The following RAP1GAP2 variants were observed in gnomAD, a reference collection of about 807,000 sequenced individuals.
The protein encoded by RAP1GAP2 is rap1 GTPase-activating protein 2.
In RAP1GAP2, 27 loss-of-function variants were observed where a neutral mutation model predicts 95.0. That is an observed-to-expected ratio of 0.28 (90% CI 0.21 to 0.39). The LOEUF (loss-of-function observed/expected upper bound fraction) is 0.39. Ranked by LOEUF, RAP1GAP2 falls within the 10% of genes least tolerant of loss-of-function variation. The pLI is 1.00. For synonymous variants in RAP1GAP2, 373 were observed against 380.9 expected, an observed-to-expected ratio of 0.98 and a Z score of 0.24; for missense variants, 771 against 970.0, an observed-to-expected ratio of 0.79 and a Z score of 2.72.
intron 22 of RAP1GAP2, among the ~76,000 whole-genome samples, chr17:3,030,040 A>G (rs927067691): frequency 2.7e-5 from 4 of 148,230 alleles, no homozygotes; most frequent in Non-Finnish European, 5.9e-5. Context: ...TTTTATATGT[A>G]TATATTATAT....
chr17:2,970,289 A>T (rs955143359), intron 8 of RAP1GAP2, among the ~76,000 whole-genome samples: 25 of 148,128 alleles, frequency 1.7e-4, no homozygotes, highest in African/African-American at 5.4e-4. Flanking sequence ...AAAAAAAAAA[A>T]AAAAAAATAA....
At chr17:2,928,979 A>T (rs1336772732) in intron 3 of RAP1GAP2, among the ~76,000 whole-genome samples, 1 of 152,076 alleles carries the variant, frequency 6.6e-6, no homozygotes, top group Non-Finnish European at 1.5e-5. Context: ...CACACCTGTA[A>T]TCCCAGCACT....
At chr17:2,925,281 C>A (rs1326541894) in intron 3 of RAP1GAP2, among the ~76,000 whole-genome samples, 1 of 152,180 alleles carries the variant, frequency 6.6e-6, no homozygotes, top group Admixed American at 6.5e-5. Flanking sequence ...AGAAATACTT[C>A]ATCGCAGTAT....
Position 2,963,340 on chromosome 17 carries a change from A to G in RAP1GAP2, c.247-90A>G. ...GTTCCTCCCTCAAAGCCCCCCCACA[A>G]CATATCCCCCTTGCAAGACCTGGAA... On this transcript the variant is annotated intron_variant, in intron 5 of 24. Transcript: ENST00000254695. The surrounding 1 kb of genome is among the most constrained non-coding windows in gnomAD (Gnocchi z 4.8). The G allele has an allele frequency of 5.5e-6, 6 of 1,097,462 alleles. No homozygotes were observed. Among genetic ancestry groups the G allele is most frequent in the Non-Finnish European group, 8.0e-6 (6 of 746,334 alleles). The allele number at this position is 1,097,462 out of a possible 1,614,324, so 68.0% of individuals were successfully genotyped here.
rs549764751 is a variant in RAP1GAP2, at chr17:2,877,263, G to A, written c.81-28021G>A. Reference sequence around the variant, plus strand: ...CTGCCTCCATGATGCATCCAGAGACGGATCATATCTCCCATCTCCACCACG... The same window carrying A: ...CTGCCTCCATGATGCATCCAGAGACAGATCATATCTCCCATCTCCACCACG... On this transcript the variant is annotated intron_variant, in intron 2 of 24. Coordinates refer to ENST00000254695, the MANE Select transcript of RAP1GAP2 (RefSeq NM_015085.5). Among the ~76,000 whole-genome samples, 29 of 152,218 alleles carry A rather than the reference G, an allele frequency of 1.9e-4. 1 individual carries two copies. The East Asian group carries it at 5.6e-3, about 29-fold the overall frequency.
At chr17:2,913,487 C>T (rs144452789) in intron 3 of RAP1GAP2, among the ~76,000 whole-genome samples, 5,229 of 152,162 alleles carry the variant, frequency 0.034, 133 homozygotes, top group African/African-American at 0.073. Context: ...TGGGGTTTCA[C>T]CATGTTGGTC....
chr17:2,919,711 T>A (rs1438447502), intron 3 of RAP1GAP2, among the ~76,000 whole-genome samples: 1 of 152,204 alleles, frequency 6.6e-6, no homozygotes, highest in African/African-American at 2.4e-5. Context: ...TTCTCTTTTT[T>A]TTCTTTTTTG....
At chr17:2,937,637 C>T (rs1530378) in intron 3 of RAP1GAP2, among the ~76,000 whole-genome samples, 15,809 of 152,188 alleles carry the variant, frequency 0.1, 963 homozygotes, top group Middle Eastern at 0.17. Flanking sequence ...TAGGGGACAG[C>T]GAGGCTCATG....
chr17:2,805,157 G>A (rs1361879955), intron 2 of RAP1GAP2, among the ~76,000 whole-genome samples: 1 of 152,148 alleles, frequency 6.6e-6, no homozygotes, highest in Non-Finnish European at 1.5e-5. Flanking sequence ...ATCATGGTTG[G>A]CCCATCACAT....
intron 1 of RAP1GAP2, among the ~76,000 whole-genome samples, chr17:2,779,895 T>C (rs1050042463): frequency 6.6e-6 from 1 of 150,812 alleles, no homozygotes; most frequent in Non-Finnish European, 1.5e-5. Flanking sequence ...AGCCTTGGCG[T>C]ATGGGGATTC....
chr17:2,761,950 T>G (rs529698704), intron 1 of RAP1GAP2, among the ~76,000 whole-genome samples: 1 of 151,774 alleles, frequency 6.6e-6, no homozygotes, highest in Admixed American at 6.6e-5. Flanking sequence ...TCGGGCATCT[T>G]TTCATGTAGT....
intron 1 of RAP1GAP2, among the ~76,000 whole-genome samples, chr17:2,769,844 G>A (rs1395873168): frequency 2.0e-5 from 3 of 151,960 alleles, no homozygotes; most frequent in Admixed American, 1.3e-4. Flanking sequence ...AGGCCAAGGC[G>A]GGTGGATCAC....
intron 1 of RAP1GAP2, among the ~76,000 whole-genome samples, chr17:2,757,275 C>A (rs978506152): frequency 6.6e-6 from 1 of 151,866 alleles, no homozygotes; most frequent in Admixed American, 6.6e-5. Flanking sequence ...TGGGCCATCA[C>A]GCCCAGCTAA....
At chr17:2,991,442 A>G (rs1177111071) in intron 12 of RAP1GAP2, 45 bp downstream of exon 12, 1 of 1,465,792 alleles carries the variant, frequency 6.8e-7, no homozygotes. Context: ...CAACAAGGGC[A>G]CTAGAGGAAG....
chr17:2,827,925 T>A lies in RAP1GAP2; in HGVS notation c.80+27375T>A, dbSNP rs2070649271. On this transcript the variant is annotated intron_variant, in intron 2 of 24. Coordinates refer to ENST00000254695, the MANE Select transcript of RAP1GAP2 (RefSeq NM_015085.5). The surrounding 1 kb of genome is among the most constrained non-coding windows in gnomAD (Gnocchi z 4.1). The stretch of plus-strand genomic sequence containing the variant: ...GGGAGCGTGGCAGAGGCTCTCAGGC[T>A]GGAGGCCAGCTACTGCTCCGGCCAG... 6.6e-6 allele frequency among the ~76,000 whole-genome samples: 1 copy of A among 152,184 alleles called. No homozygotes were observed. The highest frequency in any genetic ancestry group is 1.5e-5 in the Non-Finnish European group (1 of 68,030).
chr17:2,810,828 C>CTCT (rs1305506278), intron 2 of RAP1GAP2, among the ~76,000 whole-genome samples: 1 of 152,086 alleles, frequency 6.6e-6, no homozygotes. Flanking sequence ...CGCGCCTGGC[C>CTCT]AACAAAAGTC....
intron 19 of RAP1GAP2, among the ~76,000 whole-genome samples, chr17:3,021,002 A>G (rs1374485307): frequency 6.6e-6 from 1 of 152,178 alleles, no homozygotes; most frequent in Admixed American, 6.5e-5. Flanking sequence ...CAACTCATAT[A>G]TTACATTACA....
Position 2,827,388 on chromosome 17 carries a change from C to T in RAP1GAP2, c.80+26838C>T, listed in dbSNP as rs79513044. 0.19 allele frequency among the ~76,000 whole-genome samples: 28,260 copies of T among 151,786 alleles called. 2,983 individuals carry two copies. The highest frequency in any genetic ancestry group is 0.35 in the South Asian group (1,673 of 4,804). The stretch of plus-strand genomic sequence containing the variant: ...AGGCAGATGAGAACAGAATGAAGAA[C>T]GCAGATGGTTTCAGACAGTGCCCAG... On this transcript the variant is annotated intron_variant, in intron 2 of 24. Coordinates refer to ENST00000254695, the MANE Select transcript of RAP1GAP2 (RefSeq NM_015085.5). The surrounding 1 kb of genome is among the most constrained non-coding windows in gnomAD (Gnocchi z 4.1).
At chr17:3,026,554 C>G in intron 21 of RAP1GAP2, 90 bp downstream of exon 21, 1 of 1,083,850 alleles carries the variant, frequency 9.2e-7, no homozygotes, top group South Asian at 1.6e-5. Context: ...GGATCGAAGC[C>G]CATGTCAGTC....
Sources: allele counts gnomAD v4.1 joint callset (sites outside exome capture counted in the v4.1 genomes callset), GRCh38; gene constraint gnomAD v4.1.1; non-coding constraint Gnocchi (gnomAD v3.1); transcripts MANE v1.5; gene names NCBI Gene and HGNC (gene_info 2026-07-23, HGNC 2026-07-21).